The following TTLL7 variants were observed in gnomAD, a reference collection of about 807,000 sequenced individuals.
TTLL7 encodes tubulin polyglutamylase TTLL7.
Under a neutral mutation model 120.2 loss-of-function variants are expected in TTLL7, and 53 were observed. The ratio of observed to expected loss-of-function variants is 0.44; its 90% confidence interval spans 0.35 to 0.55. The LOEUF (loss-of-function observed/expected upper bound fraction) is 0.55, where lower values mean the gene tolerates loss of function less well. Ranked by LOEUF, TTLL7 falls within the 20% of genes least tolerant of loss-of-function variation. The pLI is 0.00. For missense variants in TTLL7, 803 were observed against 1,054.7 expected (o/e 0.76, Z 3.31); for synonymous variants, 353 against 351.7 (o/e 1.00, Z -0.04).
chr1:83,961,371 G>A (rs960678724), intron 1 of TTLL7, among the ~76,000 whole-genome samples: 1 of 152,098 alleles, frequency 6.6e-6, no homozygotes. Context: ...GTTGGGAAAA[G>A]CCATATGGAA....
At chr1:83,953,103 T>C (rs950892945) in intron 1 of TTLL7, among the ~76,000 whole-genome samples, 2 of 152,196 alleles carry the variant, frequency 1.3e-5, no homozygotes, top group African/African-American at 4.8e-5. Context: ...GGGTCATTAT[T>C]ATGATGATTT....
intron 19 of TTLL7, among the ~76,000 whole-genome samples, chr1:83,887,923 A>G (rs2100720235): frequency 6.6e-6 from 1 of 152,144 alleles, no homozygotes; most frequent in African/African-American, 2.4e-5. Flanking sequence ...CATTTAGTAA[A>G]CCTTCAATAA....
chr1:83,874,684 G>T (rs1653758842), intron 20 of TTLL7, among the ~76,000 whole-genome samples: 1 of 151,928 alleles, frequency 6.6e-6, no homozygotes, highest in African/African-American at 2.4e-5. Flanking sequence ...TAGTGGATGT[G>T]CACTAAATCC....
chr1:83,959,185 C>T (rs1393949838), intron 1 of TTLL7, among the ~76,000 whole-genome samples: 1 of 152,190 alleles, frequency 6.6e-6, no homozygotes, highest in Admixed American at 6.5e-5. Flanking sequence ...TCAGGCCCAA[C>T]CCCAGAACTT....
chr1:83,895,369 C>T (rs539678877), intron 18 of TTLL7, among the ~76,000 whole-genome samples: 65 of 152,152 alleles, frequency 4.3e-4, no homozygotes, highest in African/African-American at 1.5e-3. Context: ...GTGCCAAGCA[C>T]TGTTCTAAGC....
chr1:83,903,958 G>T, intron 18 of TTLL7, 121 bp downstream of exon 18: 1 of 760,632 alleles, frequency 1.3e-6, no homozygotes, highest in Non-Finnish European at 2.2e-6. Context: ...CTTAATAAGT[G>T]TTTGTTGAAG....
rs993460775 is a variant in TTLL7 at position 83,866,486 on chromosome 1, A to T, written c.*3476T>A. 2 of 151,862 alleles carry T rather than the reference A, an allele frequency of 1.3e-5. No individual in the cohort carries two copies. The highest frequency in any genetic ancestry group is 6.6e-5 in the Admixed American group (1 of 15,238). The allele number at this position is 151,862 out of a possible 1,614,324, so 9.4% of individuals were successfully genotyped here. ...AAGCTACTATTATCTAGTTGGGTATAACTATTAGATGAAAAGAAGTTTAGG... is the reference window on the plus strand; with the variant it reads ...AAGCTACTATTATCTAGTTGGGTATTACTATTAGATGAAAAGAAGTTTAGG... On this transcript the variant is annotated 3_prime_UTR_variant, in exon 21 of 21. Transcript: ENST00000260505.
intron 18 of TTLL7, among the ~76,000 whole-genome samples, chr1:83,892,350 A>ATATATATGAATATATATACGAG (rs1655606278): frequency 7.8e-6 from 1 of 129,032 alleles, no homozygotes; most frequent in Non-Finnish European, 1.7e-5. Context: ...ATATATACGA[A>ATATATATGAATATATATACGAG]TATATATGAA....
chr1:83,994,774 T>A (rs1225410249), intron 1 of TTLL7, among the ~76,000 whole-genome samples: 2 of 152,286 alleles, frequency 1.3e-5, no homozygotes, highest in African/African-American at 4.8e-5. Flanking sequence ...AAATTCCTGC[T>A]CTCACCTTTG....
intron 1 of TTLL7, among the ~76,000 whole-genome samples, chr1:83,983,295 C>T (rs537309502): frequency 1.1e-4 from 17 of 152,240 alleles, no homozygotes; most frequent in African/African-American, 4.1e-4. Context: ...CACGCCACTG[C>T]ACTCCAGACT....
chr1:83,938,211 A>G (rs561107660), intron 7 of TTLL7, among the ~76,000 whole-genome samples, 195 bp from the exon 8 acceptor site: 3 of 152,364 alleles, frequency 2.0e-5, no homozygotes, highest in African/African-American at 7.2e-5. Flanking sequence ...TTGAGAATGT[A>G]GTCATCTACA....
In TTLL7 at chr1:83,907,538, C is replaced by T. The variant is rs374889176; in HGVS notation, c.1910G>A (p.Arg637Gln). 1.9e-6 allele frequency: 3 copies of T among 1,613,030 alleles called. No homozygotes were observed. Among genetic ancestry groups the T allele is most frequent in the Admixed American group, 1.7e-5 (1 of 59,878 alleles). Residue 637 changes from arginine (R) to glutamine (Q), a missense_variant, in exon 16 of 21, where the codon CGG becomes CAG. Around this residue, in one of 3 missense-constraint regions of TTLL7, gnomAD observed 388 missense variants for 450.4 expected, o/e 0.86. Transcript: ENST00000260505. ...GGAAGCACGGTTTAAGGAATGTGAC[C>T]GAGATGCAGAAGTTGGCCGTGACAC... ...ISVSRPTSAS[R>Q]SHSLNRASSY... is the part of the protein sequence containing the mutation.
chr1:83,872,066 T>C (rs1260764169), intron 20 of TTLL7, among the ~76,000 whole-genome samples: 1 of 152,184 alleles, frequency 6.6e-6, no homozygotes, highest in Non-Finnish European at 1.5e-5. Context: ...AGTTGTGTTA[T>C]ATGAATTATG....
chr1:83,950,346 G>C (rs146116970), intron 3 of TTLL7, among the ~76,000 whole-genome samples: 1 of 151,912 alleles, frequency 6.6e-6, no homozygotes, highest in Non-Finnish European at 1.5e-5. Context: ...TATGACCTTC[G>C]GTTAGGTACA....
intron 1 of TTLL7, among the ~76,000 whole-genome samples, chr1:83,965,429 A>G (rs1335858325): frequency 6.6e-6 from 1 of 152,118 alleles, no homozygotes; most frequent in African/African-American, 2.4e-5. Flanking sequence ...CCCTGCCACC[A>G]TGATTGCAAG....
At position 83,867,697 on chromosome 1, in the gene TTLL7, G is replaced by A. The variant is rs1404249840; in HGVS notation, c.*2265C>T. On this transcript the variant is annotated 3_prime_UTR_variant, in exon 21 of 21. Coordinates refer to ENST00000260505, the MANE Select transcript of TTLL7 (RefSeq NM_024686.6). ...TGATTTAAGATAATGCAAATGAGTG[G>A]CCGAGAAACTGGGCTGTTATCATAT... The A allele has an allele frequency of 6.6e-6, 1 of 151,914 alleles. No individual in the cohort carries two copies. The highest frequency in any genetic ancestry group is 1.5e-5 in the Non-Finnish European group (1 of 67,918). The allele number at this position is 151,914 out of a possible 1,614,324, so 9.4% of individuals were successfully genotyped here. A position where few individuals can be genotyped will look rare whatever the true frequency, so the allele number is the denominator to read the frequency against.
At position 83,937,860 on chromosome 1, in the gene TTLL7, C is replaced by T; in HGVS notation, c.880G>A (p.Asp294Asn). 1 of 1,613,884 alleles carries T rather than the reference C, an allele frequency of 6.2e-7. No individual in the cohort carries two copies. Among genetic ancestry groups the T allele is most frequent in the Non-Finnish European group, 8.5e-7 (1 of 1,179,850 alleles). Residue 294 changes from aspartate to asparagine, a missense_variant, in exon 8 of 21, where the codon GAT (aspartate) becomes AAT (asparagine). Asp to Asn is a conservative substitution (Grantham distance 23). This residue lies in a region of TTLL7 where 324 missense variants were observed against 507.7 expected (regional missense o/e 0.64). Transcript: ENST00000260505. ...GAATGGCATAATCTTACTGAAATAT[C>T]ACTCCAAAACTTAGCAACATCATGT... ...NQHDVAKFWSDISELVVKTLI... is the reference protein window; with the variant it reads ...NQHDVAKFWSNISELVVKTLI...
At chr1:83,876,379 T>C (rs1475005923) in intron 20 of TTLL7, among the ~76,000 whole-genome samples, 1 of 151,954 alleles carries the variant, frequency 6.6e-6, no homozygotes, top group Non-Finnish European at 1.5e-5. Context: ...TGATGTTATA[T>C]TGCTCTATTT....
At chr1:83,913,438 A>T (rs926819046) in intron 14 of TTLL7, among the ~76,000 whole-genome samples, 1 of 152,192 alleles carries the variant, frequency 6.6e-6, no homozygotes, top group Non-Finnish European at 1.5e-5. Context: ...AAATTGGTGG[A>T]AAGCTATTAT....
Sources: gnomAD v4.1 joint callset for allele counts (sites outside exome capture counted in the v4.1 genomes callset) on GRCh38, gnomAD v4.1.1 for gene constraint, gnomAD v4.1.1 regional missense constraint, MANE v1.5 for transcripts, NCBI Gene and HGNC (gene_info 2026-07-23, HGNC 2026-07-21) for gene names.